INVS: variants seen among roughly 807,000 people sequenced by gnomAD.
INVS encodes inversion of embryo turning homolog.
INVS carries 86 observed loss-of-function variants against 108.8 expected under a neutral mutation model. The observed-to-expected ratio is 0.79, with a 90% confidence interval of 0.66 to 0.95. The LOEUF is 0.95. INVS is among the 40% of genes least tolerant of loss of function. The pLI is 0.00. For synonymous variants in INVS, 455 were observed against 473.5 expected (o/e 0.96, Z 0.51); for missense variants, 1,169 against 1,297.4 (o/e 0.90, Z 1.52).
chr9:100,297,405 C>G (rs1833821678), intron 15 of INVS, among the ~76,000 whole-genome samples: 1 of 152,146 alleles, frequency 6.6e-6, no homozygotes, highest in South Asian at 2.1e-4. Context: ...TCTAGCATCT[C>G]AGCCCAGAGT....
At chr9:100,138,991 C>A (rs1299804029) in intron 3 of INVS, among the ~76,000 whole-genome samples, 1 of 152,186 alleles carries the variant, frequency 6.6e-6, no homozygotes, top group African/African-American at 2.4e-5. Context: ...CAGGCGTGAG[C>A]CACCGCGCCC....
chr9:100,252,195 G>A, intron 8 of INVS, 88 bp from the exon 9 acceptor site: 2 of 1,385,954 alleles, frequency 1.4e-6, no homozygotes, highest in Non-Finnish European at 2.0e-6. Flanking sequence ...AAAATGATGG[G>A]GAAATCAAGA....
At position 100,139,799 on chromosome 9, in the gene INVS, G is replaced by A. The variant is rs902753325; in HGVS notation, c.273+13250G>A. On this transcript the variant is annotated intron_variant, in intron 3 of 16. Transcript: ENST00000262457. Reference sequence around the variant, plus strand: ...TGGGACTATAGGCACGTACCACTACGCCCAGCTAATTTTTGTATTTTTTAT... The same window carrying A: ...TGGGACTATAGGCACGTACCACTACACCCAGCTAATTTTTGTATTTTTTAT... Among the ~76,000 whole-genome samples the A allele has an allele frequency of 3.9e-5, 6 of 152,086 alleles. No individual in the cohort carries two copies. The South Asian group carries it at 6.2e-4, about 16-fold the overall frequency.
At chr9:100,102,525 G>A (rs190497691) in intron 1 of INVS, 12 of 152,210 alleles carry the variant, frequency 7.9e-5, no homozygotes, top group East Asian at 1.9e-4. Context: ...TGAGAATGAC[G>A]GCAAGACCTA....
intron 3 of INVS, among the ~76,000 whole-genome samples, chr9:100,185,405 AT>A: frequency 6.6e-6 from 1 of 151,272 alleles, no homozygotes; most frequent in African/African-American, 2.4e-5. Context: ...GGTTAACACC[AT>A]TATGATTTTT....
intron 10 of INVS, among the ~76,000 whole-genome samples, chr9:100,256,349 T>C (rs577284806): frequency 2.6e-5 from 4 of 152,160 alleles, no homozygotes; most frequent in African/African-American, 4.8e-5. Context: ...GTTTTGTTGA[T>C]CTTTTAAAAA....
At chr9:100,187,163 T>C (rs117397078) in intron 3 of INVS, among the ~76,000 whole-genome samples, 271 of 152,084 alleles carry the variant, frequency 1.8e-3, no homozygotes, top group Middle Eastern at 6.8e-3. Flanking sequence ...AGATCAGTTG[T>C]AAGTATTTGA....
intron 13 of INVS, among the ~76,000 whole-genome samples, chr9:100,290,800 C>T (rs1372581234): frequency 6.6e-6 from 1 of 151,708 alleles, no homozygotes; most frequent in African/African-American, 2.4e-5. Flanking sequence ...CACCCTCAAC[C>T]TCCCAGCCTC....
intron 3 of INVS, among the ~76,000 whole-genome samples, chr9:100,159,247 T>C (rs1202846585): frequency 6.6e-6 from 1 of 152,096 alleles, no homozygotes; most frequent in Non-Finnish European, 1.5e-5. Context: ...GAATATTCAA[T>C]GAGAAGTTTT....
intron 3 of INVS, among the ~76,000 whole-genome samples, chr9:100,183,293 A>G (rs1235925836): frequency 6.6e-6 from 1 of 152,102 alleles, no homozygotes. Context: ...AAAAGACATG[A>G]TCCAATATAG....
intron 3 of INVS, among the ~76,000 whole-genome samples, chr9:100,212,594 C>A (rs1830865480): frequency 6.6e-6 from 1 of 151,980 alleles, no homozygotes; most frequent in Admixed American, 6.6e-5. Flanking sequence ...AATTTTTATC[C>A]CTAACCCTAT....
intron 3 of INVS, among the ~76,000 whole-genome samples, chr9:100,143,904 C>T (rs954376793): frequency 1.3e-5 from 2 of 152,038 alleles, no homozygotes; most frequent in Non-Finnish European, 2.9e-5. Context: ...ACCTGAAGCT[C>T]GGCGTCCGTG....
intron 3 of INVS, among the ~76,000 whole-genome samples, chr9:100,209,548 A>G (rs555402684): frequency 6.6e-6 from 1 of 152,150 alleles, no homozygotes; most frequent in African/African-American, 2.4e-5. Flanking sequence ...AGGCGGGAGG[A>G]TCACAAGGTC....
chr9:100,290,254 C>G (rs1833570675), intron 13 of INVS, among the ~76,000 whole-genome samples: 1 of 152,222 alleles, frequency 6.6e-6, no homozygotes, highest in Non-Finnish European at 1.5e-5. Flanking sequence ...CTTTCCCACT[C>G]AACTCCTGCA....
At chr9:100,197,806 A>C (rs1830421684) in intron 3 of INVS, among the ~76,000 whole-genome samples, 1 of 152,248 alleles carries the variant, frequency 6.6e-6, no homozygotes, top group Admixed American at 6.5e-5. Context: ...TGTAACCTAC[A>C]GTCAGACAAG....
intron 12 of INVS, among the ~76,000 whole-genome samples, chr9:100,283,674 C>T (rs1423518232): frequency 6.6e-6 from 1 of 152,174 alleles, no homozygotes; most frequent in Non-Finnish European, 1.5e-5. Flanking sequence ...TCTCCTGCTA[C>T]CCAAGGGTTC....
intron 3 of INVS, among the ~76,000 whole-genome samples, chr9:100,188,210 T>C (rs1830111103): frequency 6.6e-6 from 1 of 152,098 alleles, no homozygotes; most frequent in Non-Finnish European, 1.5e-5. Flanking sequence ...CTTCCAGTAC[T>C]ATGCTGAATA....
intron 11 of INVS, among the ~76,000 whole-genome samples, chr9:100,268,524 C>T (rs1832859764): frequency 6.6e-6 from 1 of 152,102 alleles, no homozygotes; most frequent in African/African-American, 2.4e-5. Context: ...ATGGAGTCCT[C>T]TGGTTCCAAT....
At chr9:100,118,730 G>A (rs531991194) in intron 2 of INVS, among the ~76,000 whole-genome samples, 2 of 149,698 alleles carry the variant, frequency 1.3e-5, no homozygotes, top group East Asian at 2.0e-4. Flanking sequence ...GCATGATCTC[G>A]GCTCACTGCA....
Sources: gnomAD v4.1 joint callset for allele counts (sites outside exome capture counted in the v4.1 genomes callset) on GRCh38, gnomAD v4.1.1 for gene constraint, MANE v1.5 for transcripts, NCBI Gene and HGNC (gene_info 2026-07-23, HGNC 2026-07-21) for gene names.